KIAA1549L: variants seen among roughly 807,000 people sequenced by gnomAD.
The protein encoded by KIAA1549L is UPF0606 protein KIAA1549L.
KIAA1549L carries 88 observed loss-of-function variants against 160.7 expected under a neutral mutation model. The observed-to-expected ratio is 0.55, with a 90% confidence interval of 0.46 to 0.65. The LOEUF (loss-of-function observed/expected upper bound fraction) is 0.65, where lower values mean the gene tolerates loss of function less well. KIAA1549L is among the 30% of genes least tolerant of loss of function. The pLI is 0.00. For synonymous variants in KIAA1549L, 950 were observed against 976.7 expected (o/e 0.97, Z 0.51); for missense variants, 2,258 against 2,437.5 (o/e 0.93, Z 1.55).
chr11:33,613,743 A>G (rs1238612403), intron 15 of KIAA1549L, among the ~76,000 whole-genome samples: 2 of 152,242 alleles, frequency 1.3e-5, no homozygotes, highest in African/African-American at 4.8e-5. Flanking sequence ...TAGATCAATC[A>G]GTAACCAGAA....
intron 16 of KIAA1549L, among the ~76,000 whole-genome samples, chr11:33,624,584 A>AG (rs1851045707): frequency 1.3e-5 from 2 of 152,152 alleles, no homozygotes; most frequent in East Asian, 3.8e-4. Context: ...AGGAAAAAAA[A>AG]CTTAAATAAA....
intron 1 of KIAA1549L, among the ~76,000 whole-genome samples, chr11:33,435,842 ATGTGTG>A (rs71034688): frequency 7.4e-5 from 5 of 67,632 alleles, no homozygotes; most frequent in South Asian, 5.0e-4. Context: ...GTATATGTAT[ATGTGTG>A]TGTGTGTGTG....
intron 11 of KIAA1549L, among the ~76,000 whole-genome samples, chr11:33,589,345 C>T (rs1383885416): frequency 7.2e-5 from 11 of 152,148 alleles, no homozygotes; most frequent in Non-Finnish European, 1.3e-4. Flanking sequence ...TTGTGGAAGT[C>T]GGTGTGGCGA....
intron 20 of KIAA1549L, among the ~76,000 whole-genome samples, chr11:33,661,879 CAAAAAAAAAAAAAA>C (rs59140753): frequency 4.4e-4 from 16 of 36,300 alleles, no homozygotes; most frequent in Non-Finnish European, 8.9e-4. Context: ...GACTATGTCT[CAAAAAAAAAAAAAA>C]AAAAAAAAAA....
intron 1 of KIAA1549L, among the ~76,000 whole-genome samples, chr11:33,406,779 G>A (rs1435231441): frequency 6.6e-6 from 1 of 152,346 alleles, no homozygotes; most frequent in East Asian, 1.9e-4. Flanking sequence ...GTTATACTTT[G>A]CTGCTGCTTC....
intron 1 of KIAA1549L, among the ~76,000 whole-genome samples, chr11:33,425,899 G>T (rs1193367104): frequency 1.3e-5 from 2 of 152,154 alleles, no homozygotes; most frequent in African/African-American, 4.8e-5. Context: ...GTCTAAGCAC[G>T]AGAAAACACC....
intron 19 of KIAA1549L, among the ~76,000 whole-genome samples, chr11:33,660,232 T>G (rs1185953111): frequency 6.6e-6 from 1 of 152,244 alleles, no homozygotes; most frequent in East Asian, 1.9e-4. Flanking sequence ...TCTTGAGCAG[T>G]GCACCATCTG....
At chr11:33,575,010 G>T in intron 10 of KIAA1549L, 137 bp downstream of exon 10, 2 of 731,910 alleles carry the variant, frequency 2.7e-6, no homozygotes, top group Non-Finnish European at 2.3e-6. Context: ...AAATCAATCA[G>T]CTATGTTTCT....
chr11:33,562,559 C>T (rs902640993), intron 8 of KIAA1549L, among the ~76,000 whole-genome samples: 8 of 152,184 alleles, frequency 5.3e-5, no homozygotes, highest in Non-Finnish European at 7.4e-5. Flanking sequence ...GTCATCTTCC[C>T]CCTGTGTCTT....
At chr11:33,591,486 T>C (rs1850052395) in intron 12 of KIAA1549L, 65 bp downstream of exon 12, 1 of 1,309,104 alleles carries the variant, frequency 7.6e-7, no homozygotes, top group Non-Finnish European at 1.1e-6. Context: ...TGAGAAAAGC[T>C]GATGCCCTCA....
At chr11:33,619,486 G>C (rs982049782) in intron 16 of KIAA1549L, among the ~76,000 whole-genome samples, 1 of 152,156 alleles carries the variant, frequency 6.6e-6, no homozygotes, top group Non-Finnish European at 1.5e-5. Context: ...AGAAGTTGTA[G>C]TTTGACACTT....
At chr11:33,632,328 A>G (rs950033113) in intron 16 of KIAA1549L, among the ~76,000 whole-genome samples, 2 of 152,198 alleles carry the variant, frequency 1.3e-5, no homozygotes, top group African/African-American at 2.4e-5. Context: ...TCCCAACCTC[A>G]AGACAAGGTT....
intron 1 of KIAA1549L, among the ~76,000 whole-genome samples, chr11:33,458,439 G>C (rs1460843432): frequency 6.6e-6 from 1 of 152,176 alleles, no homozygotes; most frequent in African/African-American, 2.4e-5. Context: ...GGAGATAGAA[G>C]GCAGCTCTAG....
At chr11:33,477,369 A>G (rs1045325531) in intron 1 of KIAA1549L, among the ~76,000 whole-genome samples, 2 of 152,190 alleles carry the variant, frequency 1.3e-5, no homozygotes, top group African/African-American at 4.8e-5. Flanking sequence ...GTGAGGTATG[A>G]CTCACAGAAA....
At chr11:33,430,199 C>G (rs903966007) in intron 1 of KIAA1549L, among the ~76,000 whole-genome samples, 1 of 137,102 alleles carries the variant, frequency 7.3e-6, no homozygotes, top group Non-Finnish European at 1.6e-5. Context: ...TCCCTTCTTT[C>G]CCTCCCTCTC....
chr11:33,492,425 G>C (rs1016761014), intron 1 of KIAA1549L, among the ~76,000 whole-genome samples: 6 of 152,120 alleles, frequency 3.9e-5, no homozygotes, highest in South Asian at 4.2e-4. Flanking sequence ...GGGTGACCTT[G>C]AACCCTGGAC....
intron 20 of KIAA1549L, chr11:33,665,388 C>T (rs1852408147): frequency 6.6e-6 from 1 of 152,052 alleles, no homozygotes; most frequent in Admixed American, 6.5e-5. Flanking sequence ...CTGTCTGCTG[C>T]TCTCAGCAGA....
intron 1 of KIAA1549L, among the ~76,000 whole-genome samples, chr11:33,491,838 G>A (rs1235384244): frequency 6.6e-6 from 1 of 152,186 alleles, no homozygotes; most frequent in Non-Finnish European, 1.5e-5. Context: ...AACCACTACT[G>A]GGACAAAGAG....
At chr11:33,661,715 A>G (rs1852266428) in intron 20 of KIAA1549L, among the ~76,000 whole-genome samples, 1 of 151,990 alleles carries the variant, frequency 6.6e-6, no homozygotes, top group Non-Finnish European at 1.5e-5. Context: ...CCCCTTCTCT[A>G]CTAAAACCAC....
Sources: gnomAD v4.1 joint callset for allele counts (sites outside exome capture counted in the v4.1 genomes callset) on GRCh38, gnomAD v4.1.1 for gene constraint, MANE v1.5 for transcripts, NCBI Gene and HGNC (gene_info 2026-07-23, HGNC 2026-07-21) for gene names.